CERT1: variants seen among roughly 807,000 people sequenced by gnomAD.
The protein encoded by CERT1 is ceramide transporter 1.
CERT1 carries 31 observed loss-of-function variants against 87.9 expected under a neutral mutation model. The observed-to-expected ratio is 0.35, with a 90% CI of 0.27 to 0.48. The LOEUF is 0.48. CERT1 is among the 20% of genes least tolerant of loss of function. CERT1 has a pLI of 0.99. For missense variants in CERT1, 487 were observed against 758.0 expected (o/e 0.64, Z 4.20); for synonymous variants, 289 against 250.9 (o/e 1.15, Z -1.44).
intron 3 of CERT1, among the ~76,000 whole-genome samples, chr5:75,430,458 C>T (rs1328351375): frequency 2.6e-5 from 4 of 152,012 alleles, no homozygotes; most frequent in Admixed American, 6.6e-5. Flanking sequence ...GCAAATTATG[C>T]CTCAAGAAAA....
intron 2 of CERT1, among the ~76,000 whole-genome samples, chr5:75,477,892 GAA>G (rs1766041418): frequency 6.6e-6 from 1 of 151,882 alleles, no homozygotes; most frequent in Non-Finnish European, 1.5e-5. Context: ...TTTGTTAAAG[GAA>G]AAAAAGTTCA....
chr5:75,379,382 G>T lies in CERT1; in HGVS notation c.1839C>A (p.Val613=), dbSNP rs1195808158. ...PKFLKRFTSY[V]QEKTAGKPIL... The stretch of plus-strand genomic sequence containing the variant: ...TAGGCTTTCCTGCAGTTTTTTCTTG[G>T]ACGTAAGAAGTAAAACGTTTTAGAA... Residue 613 remains valine (V), a synonymous_variant, in exon 17 of 17, where the codon GTC becomes GTA. Coordinates refer to ENST00000643780, the MANE Select transcript of CERT1 (RefSeq NM_001379029.1). The T allele has an allele frequency of 6.2e-7, 1 of 1,613,626 alleles. No individual in the cohort carries two copies.
In CERT1 at chr5:75,454,766, A is replaced by G. The variant is rs575452307; in HGVS notation, c.348+4299T>C. 2.6e-5 allele frequency among the ~76,000 whole-genome samples: 4 copies of G among 152,352 alleles called. No individual in the cohort carries two copies. In the South Asian group the frequency reaches 8.3e-4, roughly 32 times the overall value. On this transcript the variant is annotated intron_variant, in intron 3 of 16. Transcript: ENST00000643780. ...TCTACAGTTGTTTGGGATTTGAAGC[A>G]AATTGGAAAGGTGAAAAAACTCAAT...
At chr5:75,433,817 T>C (rs1763971606) in intron 3 of CERT1, among the ~76,000 whole-genome samples, 1 of 152,220 alleles carries the variant, frequency 6.6e-6, no homozygotes, top group South Asian at 2.1e-4. Flanking sequence ...CCATGGTGCT[T>C]GGCTTGTGGT....
rs78992583 is a variant in CERT1 at position 75,453,509 on chromosome 5, C to T, written c.348+5556G>A. 7.7e-3 allele frequency among the ~76,000 whole-genome samples: 1,171 copies of T among 152,276 alleles called. 9 individuals are homozygous for T. Among genetic ancestry groups the T allele is most frequent in the Middle Eastern group, 0.037 (11 of 294 alleles). ...AATACATACTTACAGCACAGAATTGCTTCCTGGCCAAAAGCCCTGGTTCTT... is the reference window on the plus strand; with the variant it reads ...AATACATACTTACAGCACAGAATTGTTTCCTGGCCAAAAGCCCTGGTTCTT... On this transcript the variant is annotated intron_variant, in intron 3 of 16. Transcript: ENST00000643780.
intron 2 of CERT1, among the ~76,000 whole-genome samples, chr5:75,502,872 T>C (rs929728849): frequency 1.3e-5 from 2 of 152,226 alleles, no homozygotes; most frequent in Admixed American, 6.5e-5. Context: ...GCAAATTTTG[T>C]AGCAGGGGCT....
chr5:75,434,640 GT>G lies in CERT1; in HGVS notation c.349-8163del, dbSNP rs1016576077. 2.1e-3 allele frequency among the ~76,000 whole-genome samples: 302 copies of G among 143,726 alleles called. 1 individual carries two copies. Among genetic ancestry groups the G allele is most frequent in the Non-Finnish European group, 2.7e-3 (177 of 65,080 alleles). 94.3% of individuals were successfully genotyped at this position (143,726 alleles called of 152,430 possible). A position where few individuals can be genotyped will look rare whatever the true frequency, so the allele number is the denominator to read the frequency against. ...GTCCACGGCTTTTTCTGATTGGTAGGTTTTTTTTTTTTTAATTACTGATTCC... is the reference window on the plus strand; with the variant it reads ...GTCCACGGCTTTTTCTGATTGGTAGGTTTTTTTTTTTTAATTACTGATTCC... On this transcript the variant is annotated intron_variant, in intron 3 of 16. Coordinates refer to ENST00000643780, the MANE Select transcript of CERT1 (RefSeq NM_001379029.1).
intron 3 of CERT1, among the ~76,000 whole-genome samples, chr5:75,430,003 AGATGATG>A (rs746157868): frequency 2.0e-5 from 3 of 152,036 alleles, no homozygotes; most frequent in Non-Finnish European, 4.4e-5. Flanking sequence ...ATCAATAATC[AGATGATG>A]GATCTGGTCA....
At chr5:75,427,611 T>A (rs562520297) in intron 3 of CERT1, among the ~76,000 whole-genome samples, 68 of 152,212 alleles carry the variant, frequency 4.5e-4, no homozygotes, top group African/African-American at 1.5e-3. Flanking sequence ...CTCAAAAAAG[T>A]ACAGTGAATT....
chr5:75,453,086 A>G (rs1764827635), intron 3 of CERT1, among the ~76,000 whole-genome samples: 1 of 152,190 alleles, frequency 6.6e-6, no homozygotes, highest in African/African-American at 2.4e-5. Context: ...ATACATTGAG[A>G]ATATTTAAAT....
intron 3 of CERT1, among the ~76,000 whole-genome samples, chr5:75,442,730 T>TA (rs1270219576): frequency 2.6e-5 from 4 of 151,780 alleles, no homozygotes; most frequent in Admixed American, 2.6e-4. Flanking sequence ...TAGGTGAGTA[T>TA]AGCACAGTAA....
At chr5:75,374,837 G>A (rs1023761497), downstream of CERT1, 9 of 507,314 alleles carry the variant, frequency 1.8e-5, no homozygotes, top group East Asian at 5.2e-5. Flanking sequence ...GACTGAAGAT[G>A]GACTATTCTC....
intron 9 of CERT1, chr5:75,402,698 G>A: frequency 4.4e-6 from 1 of 226,626 alleles, no homozygotes; most frequent in Non-Finnish European, 8.8e-6. Context: ...TACTCGGGAG[G>A]CTGAGGCAGA....
intron 2 of CERT1, among the ~76,000 whole-genome samples, chr5:75,472,329 A>G (rs551957939): frequency 6.6e-5 from 10 of 152,384 alleles, no homozygotes; most frequent in Non-Finnish European, 1.5e-5. Context: ...AACTAGTAGA[A>G]GAAAGCACAG....
chr5:75,409,837 T>G (rs545320206), intron 8 of CERT1, among the ~76,000 whole-genome samples: 9 of 151,716 alleles, frequency 5.9e-5, no homozygotes, highest in Admixed American at 1.3e-4. Flanking sequence ...ACACGTTTTT[T>G]TTTTTTTTTT....
At chr5:75,392,886 C>A (rs570224633) in intron 11 of CERT1, among the ~76,000 whole-genome samples, 2 of 136,750 alleles carry the variant, frequency 1.5e-5, no homozygotes, top group South Asian at 4.9e-4. Context: ...AGGAGAATAG[C>A]GTGAACCTGC....
intron 11 of CERT1, among the ~76,000 whole-genome samples, chr5:75,393,602 T>TAAAAAAAAAAAAAAAAAA (rs60898983): frequency 0.01 from 327 of 32,646 alleles, 16 homozygotes; most frequent in Middle Eastern, 0.025. Flanking sequence ...CTCATCTACT[T>TAAAAAAAAAAAAAAAAAA]AAAAAAAAAA....
intron 16 of CERT1, 145 bp from the exon 17 acceptor site, chr5:75,379,618 G>C (rs1761476551): frequency 2.6e-6 from 2 of 767,196 alleles, no homozygotes; most frequent in South Asian, 2.0e-5. Flanking sequence ...ACGGAGTCTT[G>C]CTCTGTTGCC....
intron 2 of CERT1, among the ~76,000 whole-genome samples, chr5:75,474,663 T>G (rs1436910191): frequency 6.6e-6 from 1 of 152,104 alleles, no homozygotes; most frequent in Non-Finnish European, 1.5e-5. Context: ...CAAATCGTGT[T>G]AGGAAAACTG....
Sources: gnomAD v4.1 joint callset for allele counts (sites outside exome capture counted in the v4.1 genomes callset) on GRCh38, gnomAD v4.1.1 for gene constraint, MANE v1.5 for transcripts, NCBI Gene and HGNC (gene_info 2026-07-23, HGNC 2026-07-21) for gene names.